CTNNA2: variants seen among roughly 807,000 people sequenced by gnomAD.
CTNNA2 encodes the protein catenin alpha 2, also known as catenin alpha-2.
A neutral mutation model predicts 101.0 loss-of-function variants in CTNNA2; 42 were observed. The ratio of observed to expected loss-of-function variants is 0.42; its 90% confidence interval spans 0.32 to 0.54. The LOEUF is 0.54. CTNNA2 is among the 20% of genes least tolerant of loss of function. The probability of loss-of-function intolerance (pLI) is 0.14; values close to 1 mark genes in which losing one functional copy is unlikely to be tolerated. For missense variants in CTNNA2, 871 were observed against 1,223.1 expected (o/e 0.71, Z 4.29); for synonymous variants, 450 against 456.4 (o/e 0.99, Z 0.18).
intron 7 of CTNNA2, among the ~76,000 whole-genome samples, chr2:80,310,155 C>T (rs932175465): frequency 1.3e-5 from 2 of 152,112 alleles, no homozygotes; most frequent in African/African-American, 4.8e-5. Flanking sequence ...AATTGAGAAG[C>T]TAAAGGGACA....
chr2:79,355,763 C>G (rs1045007052), intron 3 of CTNNA2, among the ~76,000 whole-genome samples: 2 of 152,114 alleles, frequency 1.3e-5, no homozygotes, highest in Non-Finnish European at 2.9e-5. Context: ...ACATTTTAAC[C>G]TGAATCAGCA....
At chr2:79,884,790 T>G (rs569271942) in intron 6 of CTNNA2, among the ~76,000 whole-genome samples, 1 of 151,684 alleles carries the variant, frequency 6.6e-6, no homozygotes, top group African/African-American at 2.4e-5. Context: ...ATTGTAATTC[T>G]CTTTCCGATC....
At chr2:79,895,848 A>C (rs971033125) in intron 6 of CTNNA2, among the ~76,000 whole-genome samples, 1 of 152,140 alleles carries the variant, frequency 6.6e-6, no homozygotes, top group African/African-American at 2.4e-5. Flanking sequence ...TAAGCTTAAG[A>C]CCATATAAAA....
chr2:79,632,734 T>C (rs1488023415), intron 1 of CTNNA2, among the ~76,000 whole-genome samples: 1 of 152,206 alleles, frequency 6.6e-6, no homozygotes, highest in Non-Finnish European at 1.5e-5. Context: ...TACTTCACAA[T>C]GATTGGGGCA....
At chr2:79,267,862 A>G (rs562388800) in intron 2 of CTNNA2, among the ~76,000 whole-genome samples, 3 of 152,256 alleles carry the variant, frequency 2.0e-5, no homozygotes, top group African/African-American at 7.2e-5. Flanking sequence ...GGCTCCTTGG[A>G]GCTTGGACAC....
At chr2:80,547,850 C>T (rs1188595645) in intron 11 of CTNNA2, among the ~76,000 whole-genome samples, 2 of 151,946 alleles carry the variant, frequency 1.3e-5, no homozygotes, top group Non-Finnish European at 2.9e-5. Flanking sequence ...CCACTATGCC[C>T]GGCTAATTTT....
At chr2:80,262,440 G>A (rs1265253406) in intron 7 of CTNNA2, among the ~76,000 whole-genome samples, 1 of 152,056 alleles carries the variant, frequency 6.6e-6, no homozygotes, top group East Asian at 1.9e-4. Context: ...ATATATTTTT[G>A]TACAATTTTA....
chr2:80,325,617 G>A (rs1052003768), intron 7 of CTNNA2, among the ~76,000 whole-genome samples: 3 of 152,122 alleles, frequency 2.0e-5, no homozygotes, highest in Non-Finnish European at 4.4e-5. Flanking sequence ...TCTACAATAT[G>A]AGAAGGGGGA....
chr2:79,764,637 T>C (rs1048783853), intron 3 of CTNNA2, among the ~76,000 whole-genome samples: 4 of 152,220 alleles, frequency 2.6e-5, no homozygotes, highest in African/African-American at 7.2e-5. Context: ...AGGAAAAGCC[T>C]TGTTGGTTCT....
chr2:79,258,861 A>C (rs1674883707), intron 2 of CTNNA2, among the ~76,000 whole-genome samples: 1 of 151,402 alleles, frequency 6.6e-6, no homozygotes, highest in Non-Finnish European at 1.5e-5. Flanking sequence ...AAAAAAAAAA[A>C]AAAAAAAAAA....
chr2:80,061,609 T>C (rs772624539), intron 7 of CTNNA2, among the ~76,000 whole-genome samples: 9 of 152,218 alleles, frequency 5.9e-5, no homozygotes, highest in African/African-American at 1.2e-4. Flanking sequence ...TATGTTCCAA[T>C]CATATCTGCC....
At chr2:79,932,413 T>G (rs1256983132) in intron 7 of CTNNA2, among the ~76,000 whole-genome samples, 1 of 152,052 alleles carries the variant, frequency 6.6e-6, no homozygotes, top group Non-Finnish European at 1.5e-5. Context: ...GTTTAAAACC[T>G]TTAAGGTTTT....
rs561432319 is a variant in CTNNA2 at position 80,326,092 on chromosome 2, C to T, written c.1057-67119C>T. 2.3e-4 allele frequency among the ~76,000 whole-genome samples: 35 copies of T among 152,212 alleles called. 1 individual carries two copies. Among genetic ancestry groups the T allele is most frequent in the South Asian group, 1.5e-3 (7 of 4,826 alleles). ...GAAACCCCATCATCATTTTCAAAGT[C>T]GCAGTGGTGAAAGTGAGAAATACAT... On this transcript the variant is annotated intron_variant, in intron 7 of 18. Coordinates refer to ENST00000402739, the MANE Select transcript of CTNNA2 (RefSeq NM_001282597.3).
intron 7 of CTNNA2, among the ~76,000 whole-genome samples, chr2:80,013,632 C>G (rs182291959): frequency 6.6e-6 from 1 of 152,148 alleles, no homozygotes; most frequent in Admixed American, 6.6e-5. Context: ...CCATCTAACC[C>G]TGTTGTTCTC....
At chr2:80,312,377 C>T (rs58086981) in intron 7 of CTNNA2, among the ~76,000 whole-genome samples, 2,884 of 152,206 alleles carry the variant, frequency 0.019, 81 homozygotes, top group African/African-American at 0.065. Flanking sequence ...GTGGGGACAA[C>T]GGTTAGAAAC....
At chr2:79,794,645 G>T (rs1268108063) in intron 3 of CTNNA2, among the ~76,000 whole-genome samples, 3 of 152,070 alleles carry the variant, frequency 2.0e-5, no homozygotes, top group African/African-American at 7.2e-5. Context: ...ATTAATTATA[G>T]GTTCTATGCT....
chr2:80,370,882 A>C (rs917353124), intron 7 of CTNNA2, among the ~76,000 whole-genome samples: 3 of 152,348 alleles, frequency 2.0e-5, no homozygotes, highest in East Asian at 1.9e-4. Flanking sequence ...AAGAGGCTTC[A>C]TAAAGAAATG....
chr2:80,553,233 A>T (rs1007074652), intron 11 of CTNNA2, among the ~76,000 whole-genome samples: 1 of 122,336 alleles, frequency 8.2e-6, no homozygotes, highest in Non-Finnish European at 1.8e-5. Context: ...CAAAAAAAAA[A>T]ATAAAATAAA....
chr2:80,022,217 C>T (rs1694616250), intron 7 of CTNNA2, among the ~76,000 whole-genome samples: 1 of 152,140 alleles, frequency 6.6e-6, no homozygotes. Context: ...TTTGCTTAGT[C>T]ATCGTTTATT....
Sources: allele counts gnomAD v4.1 joint callset (sites outside exome capture counted in the v4.1 genomes callset), GRCh38; gene constraint gnomAD v4.1.1; transcripts MANE v1.5; gene names NCBI Gene and HGNC (gene_info 2026-07-23, HGNC 2026-07-21).